The following FAM210A variants were observed in gnomAD, a reference collection of about 807,000 sequenced individuals.
FAM210A encodes family with sequence similarity 210 member A.
FAM210A carries 13 observed loss-of-function variants against 25.3 expected under a neutral mutation model. The observed-to-expected ratio is 0.51, with a 90% CI of 0.33 to 0.82. FAM210A has a LOEUF of 0.82. FAM210A is among the 40% of genes least tolerant of loss of function. The probability of loss-of-function intolerance (pLI) is 0.02; values close to 1 mark genes in which losing one functional copy is unlikely to be tolerated. For missense variants in FAM210A, 319 were observed against 323.2 expected (o/e 0.99, Z 0.10); for synonymous variants, 125 against 118.7 (o/e 1.05, Z -0.35).
chr18:13,721,480 C>A (rs1361020126), intron 1 of FAM210A, among the ~76,000 whole-genome samples: 1 of 152,168 alleles, frequency 6.6e-6, no homozygotes, highest in African/African-American at 2.4e-5. Context: ...ATCATCACCC[C>A]TGCATCCTTA....
intron 1 of FAM210A, among the ~76,000 whole-genome samples, chr18:13,725,689 G>C (rs925075811): frequency 1.3e-5 from 2 of 152,170 alleles, no homozygotes; most frequent in African/African-American, 4.8e-5. Flanking sequence ...ATCTCAGGTT[G>C]AAAGTCCTCA....
intron 1 of FAM210A, among the ~76,000 whole-genome samples, chr18:13,693,820 G>A (rs553040333): frequency 1.1e-4 from 17 of 152,282 alleles, no homozygotes; most frequent in Admixed American, 3.3e-4. Context: ...GAAAAGTGGC[G>A]CAAGACAGGG....
At chr18:13,708,241 G>A (rs1432741454) in intron 1 of FAM210A, among the ~76,000 whole-genome samples, 1 of 152,232 alleles carries the variant, frequency 6.6e-6, no homozygotes. Context: ...AGAGGATACA[G>A]ATGAACAGCC....
At chr18:13,692,936 C>CA (rs1433018324) in intron 1 of FAM210A, among the ~76,000 whole-genome samples, 2 of 151,986 alleles carry the variant, frequency 1.3e-5, no homozygotes, top group Middle Eastern at 3.2e-3. Flanking sequence ...AAAAACCCTT[C>CA]AAAAAAATCA....
At chr18:13,680,362 A>G (rs978967838) in intron 2 of FAM210A, among the ~76,000 whole-genome samples, 1 of 152,250 alleles carries the variant, frequency 6.6e-6, no homozygotes, top group Non-Finnish European at 1.5e-5. Context: ...ATCTTCTGCA[A>G]GGAAAGATAC....
chr18:13,716,993 G>A (rs918239024), intron 1 of FAM210A, among the ~76,000 whole-genome samples: 3 of 152,234 alleles, frequency 2.0e-5, no homozygotes, highest in African/African-American at 7.2e-5. Context: ...AGGCACTGGA[G>A]TGTGCTCTGT....
At chr18:13,676,891 C>A (rs1280433697) in intron 2 of FAM210A, among the ~76,000 whole-genome samples, 1 of 152,112 alleles carries the variant, frequency 6.6e-6, no homozygotes, top group Non-Finnish European at 1.5e-5. Flanking sequence ...CACCTCAGCA[C>A]ATCACAACAA....
chr18:13,706,776 T>C lies in FAM210A; in HGVS notation c.-29+19553A>G, dbSNP rs529924708. 3.9e-5 allele frequency among the ~76,000 whole-genome samples: 6 copies of C among 152,342 alleles called. No individual in the cohort carries two copies. The East Asian group carries it at 1.2e-3, about 29-fold the overall frequency. ...AAACAGAATTGGCTAAACAGAAAAG[T>C]ATCTGTGCAGCTGCTGGCACTTGTG... On this transcript the variant is annotated intron_variant, in intron 1 of 3. Transcript: ENST00000651643.
chr18:13,685,053 G>A (rs976175809), intron 1 of FAM210A, among the ~76,000 whole-genome samples: 10 of 152,326 alleles, frequency 6.6e-5, no homozygotes, highest in African/African-American at 1.9e-4. Context: ...CAGCAAAGCA[G>A]TGCTTTGAGG....
chr18:13,687,028 T>A (rs1223118110), intron 1 of FAM210A, among the ~76,000 whole-genome samples: 1 of 152,206 alleles, frequency 6.6e-6, no homozygotes, highest in Non-Finnish European at 1.5e-5. Flanking sequence ...TATTAGCAAG[T>A]CAAATCCAGC....
Position 13,723,033 on chromosome 18 carries a change from T to C in FAM210A, c.-29+3296A>G, listed in dbSNP as rs1403049256. 2.0e-5 allele frequency among the ~76,000 whole-genome samples: 3 copies of C among 152,266 alleles called. No individual in the cohort carries two copies. The East Asian group carries it at 5.8e-4, about 29-fold the overall frequency. On this transcript the variant is annotated intron_variant, in intron 1 of 3. Transcript: ENST00000651643. ...AGTACAGTTAAAAGCAACCAGCCTA[T>C]CTTATTGTACTCATTAATTCGATTA...
intron 1 of FAM210A, among the ~76,000 whole-genome samples, chr18:13,704,515 T>C (rs1446126657): frequency 8.5e-5 from 13 of 152,224 alleles, no homozygotes; most frequent in Admixed American, 8.5e-4. Flanking sequence ...TTAAGTATAA[T>C]GTAGTGTTTT....
chr18:13,695,213 A>G (rs945777146), intron 1 of FAM210A, among the ~76,000 whole-genome samples: 1 of 152,214 alleles, frequency 6.6e-6, no homozygotes, highest in African/African-American at 2.4e-5. Context: ...GTCAGGAAAC[A>G]ACAGATGCTG....
At chr18:13,671,318 G>A (rs1489744840) in intron 3 of FAM210A, among the ~76,000 whole-genome samples, 1 of 151,886 alleles carries the variant, frequency 6.6e-6, no homozygotes, top group Non-Finnish European at 1.5e-5. Flanking sequence ...TAAAATAAAT[G>A]CTAAATTTTG....
Position 13,682,002 on chromosome 18 carries a change from A to G in FAM210A, c.76T>C (p.Phe26Leu), listed in dbSNP as rs745483549. ...CCCTTTACATTTTGACAGTGTCCAAAGAGACCAGCATTATGTGGTTCCAAG... is the reference window on the plus strand; with the variant it reads ...CCCTTTACATTTTGACAGTGTCCAAGGAGACCAGCATTATGTGGTTCCAAG... ...TCLEPHNAGL[F>L]GHCQNVKGPL... Residue 26 changes from phenylalanine to leucine, a missense_variant, in exon 2 of 4, where the codon TTT becomes CTT. Physicochemically the swap from Phe to Leu is conservative, Grantham distance 22 (BLOSUM62 0). Coordinates refer to ENST00000651643, the MANE Select transcript of FAM210A (RefSeq NM_152352.4). 2 of 1,614,236 alleles carry G rather than the reference A, an allele frequency of 1.2e-6. No individual in the cohort carries two copies. The highest frequency in any genetic ancestry group is 8.5e-7 in the Non-Finnish European group (1 of 1,180,024).
intron 1 of FAM210A, among the ~76,000 whole-genome samples, chr18:13,685,075 A>C (rs1200315665): frequency 1.3e-5 from 2 of 152,186 alleles, no homozygotes; most frequent in Non-Finnish European, 1.5e-5. Flanking sequence ...CTAAACTTTG[A>C]CCTTTTTCCT....
intron 2 of FAM210A, among the ~76,000 whole-genome samples, chr18:13,674,063 CCTGA>C (rs2043469721): frequency 6.6e-6 from 1 of 150,454 alleles, no homozygotes; most frequent in Admixed American, 6.6e-5. Context: ...TTTCCAGTTT[CCTGA>C]TTATTATAAT....
chr18:13,693,965 T>C (rs915505880), intron 1 of FAM210A, among the ~76,000 whole-genome samples: 2 of 152,236 alleles, frequency 1.3e-5, no homozygotes, highest in African/African-American at 4.8e-5. Context: ...GATGACATGA[T>C]TGTAGATTTA....
At chr18:13,693,438 C>T (rs1207179411) in intron 1 of FAM210A, among the ~76,000 whole-genome samples, 1 of 152,078 alleles carries the variant, frequency 6.6e-6, no homozygotes, top group African/African-American at 2.4e-5. Flanking sequence ...ACAGACACAA[C>T]CAAAAAAGAG....
Sources: gnomAD v4.1 joint callset for allele counts (sites outside exome capture counted in the v4.1 genomes callset) on GRCh38, gnomAD v4.1.1 for gene constraint, MANE v1.5 for transcripts, NCBI Gene and HGNC (gene_info 2026-07-23, HGNC 2026-07-21) for gene names.